PSG2: variants seen among roughly 807,000 people sequenced by gnomAD.
PSG2 encodes the protein pregnancy-specific beta-1-glycoprotein 2.
Under a neutral mutation model 36.2 loss-of-function variants are expected in PSG2, and 49 were observed. The ratio of observed to expected loss-of-function variants is 1.35; its 90% CI spans 1.08 to 1.72. PSG2 has a LOEUF of 1.72. Among genes scored for constraint, PSG2 ranks in the 40% most tolerant of loss-of-function variants. The probability of loss-of-function intolerance (pLI) is 0.00; values close to 1 mark genes in which losing one functional copy is unlikely to be tolerated. For synonymous variants in PSG2, 261 were observed against 155.6 expected, an observed-to-expected ratio of 1.68 and a Z score of -5.04; for missense variants, 605 against 407.2, an observed-to-expected ratio of 1.49 and a Z score of -4.18.
chr19:43,081,295 G>A (rs1332346718), intron 1 of PSG2, 49 bp from the exon 2 acceptor site: 3 of 1,575,474 alleles, frequency 1.9e-6, no homozygotes, highest in African/African-American at 1.4e-5. Context: ...ATGTATTGGG[G>A]TGAAAAGATG....
chr19:43,071,168 G>A (rs578019592), intron 4 of PSG2, among the ~76,000 whole-genome samples: 2 of 151,436 alleles, frequency 1.3e-5, no homozygotes, highest in South Asian at 4.2e-4. Context: ...ACACATGCTG[G>A]TCCCACCCCA....
At chr19:43,074,918 G>A (rs1375032164) in intron 3 of PSG2, among the ~76,000 whole-genome samples, 1 of 132,116 alleles carries the variant, frequency 7.6e-6, no homozygotes, top group Non-Finnish European at 1.5e-5. Context: ...TATGGTAATA[G>A]GTGTGAGGAA....
chr19:43,065,275 A>T (rs1213270689), intron 5 of PSG2, among the ~76,000 whole-genome samples: 1 of 151,716 alleles, frequency 6.6e-6, no homozygotes, highest in Non-Finnish European at 1.5e-5. Flanking sequence ...GTTTCTCAAG[A>T]GGATTACTGA....
chr19:43,079,029 A>T (rs1396166564), intron 2 of PSG2, among the ~76,000 whole-genome samples: 1 of 151,472 alleles, frequency 6.6e-6, no homozygotes, highest in Non-Finnish European at 1.5e-5. Context: ...ATTTCCTGGG[A>T]GGTTGGCTAG....
chr19:43,065,222 A>AT (rs1449634006), intron 5 of PSG2, among the ~76,000 whole-genome samples: 3 of 151,610 alleles, frequency 2.0e-5, no homozygotes, highest in Admixed American at 1.3e-4. Context: ...TGCTTTCTAT[A>AT]AATTTAATAT....
intron 4 of PSG2, among the ~76,000 whole-genome samples, chr19:43,071,367 G>A (rs1040954270): frequency 6.6e-6 from 1 of 151,662 alleles, no homozygotes; most frequent in African/African-American, 2.4e-5. Context: ...CGTGGCAGAA[G>A]GGGATGTGTT....
At chr19:43,081,394 CACACAA>C in intron 1 of PSG2, 148 bp from the exon 2 acceptor site, 2 of 1,106,640 alleles carry the variant, frequency 1.8e-6, no homozygotes, top group South Asian at 1.8e-5. Flanking sequence ...CACACACACA[CACACAA>C]AAGGGGCATG....
intron 3 of PSG2, among the ~76,000 whole-genome samples, chr19:43,074,682 G>GT (rs2122906892): frequency 6.6e-6 from 1 of 151,832 alleles, no homozygotes; most frequent in South Asian, 2.1e-4. Context: ...TATTGCCAAT[G>GT]TTTCAGGGAT....
intron 3 of PSG2, among the ~76,000 whole-genome samples, chr19:43,073,716 A>C (rs548587253): frequency 2.0e-5 from 3 of 151,790 alleles, no homozygotes; most frequent in South Asian, 4.2e-4. Flanking sequence ...GTGCAGTTTC[A>C]GTTATGCAAG....
chr19:43,074,120 G>A (rs1967857320), intron 3 of PSG2, among the ~76,000 whole-genome samples: 1 of 151,610 alleles, frequency 6.6e-6, no homozygotes, highest in African/African-American at 2.4e-5. Flanking sequence ...TGTGTCATCA[G>A]AACTTTCCAC....
rs750339132 is a variant in PSG2 at position 43,071,947 on chromosome 19, T to G, written c.717A>C (p.Pro239=). Residue 239 remains proline (P), a synonymous_variant, in exon 4 of 6, where the codon CCA becomes CCC. Coordinates refer to ENST00000406487, the MANE Select transcript of PSG2 (RefSeq NM_031246.4). ...ATGAAGGGTGAATTCTGGGGAGGTC[T>G]GGACCATCTGGAGCAAAGAGAATAA... is the stretch of plus-strand genomic sequence containing the variant. The part of the protein sequence containing the change: ...DPVTLNLLHG[P]DLPRIHPSYT... 8.7e-6 allele frequency: 14 copies of G among 1,612,312 alleles called. No individual in the cohort carries two copies. Among genetic ancestry groups the G allele is most frequent in the Non-Finnish European group, 1.2e-5 (14 of 1,179,182 alleles).
In PSG2 at chr19:43,074,356, C is replaced by T. The variant is rs1967861769; in HGVS notation, c.709+998G>A. Among the ~76,000 whole-genome samples the T allele has an allele frequency of 2.0e-5, 3 of 151,752 alleles. No individual in the cohort carries two copies. The Middle Eastern group carries it at 0.01, about 516-fold the overall frequency. On this transcript the variant is annotated intron_variant, in intron 3 of 5. Transcript: ENST00000406487. Reference sequence around the variant, plus strand: ...GAAATGTCTTTCCATATATTGATATCGTCTTTAATTTCTTTCAGCAATGTT... The same window carrying T: ...GAAATGTCTTTCCATATATTGATATTGTCTTTAATTTCTTTCAGCAATGTT...
chr19:43,076,642 G>C (rs1180285942), intron 2 of PSG2, among the ~76,000 whole-genome samples: 3 of 151,556 alleles, frequency 2.0e-5, no homozygotes, highest in African/African-American at 7.3e-5. Flanking sequence ...GTGAATCAGA[G>C]AGTAGAATAG....
intron 1 of PSG2, 170 bp downstream of exon 1, chr19:43,082,336 T>A: frequency 9.5e-7 from 1 of 1,049,938 alleles, no homozygotes; most frequent in Non-Finnish European, 1.4e-6. Flanking sequence ...GAGACAGGGC[T>A]ACACTGTGTT....
chr19:43,081,024 C>T lies in PSG2; in HGVS notation c.287G>A (p.Ser96Asn). 1 of 1,613,092 alleles carries T rather than the reference C, an allele frequency of 6.2e-7. No homozygotes were observed. Among genetic ancestry groups the T allele is most frequent in the Non-Finnish European group, 8.5e-7 (1 of 1,179,702 alleles). The change falls in exon 2 of 6, where the codon AGT becomes AAT. Residue 96 changes from serine (S) to asparagine (N), a missense_variant. Transcript: ENST00000406487. ...ATTGGAATATGCTGTTTCTCGTCCACTATATGCAGGCCCATATATAATTAT... is the reference window on the plus strand; with the variant it reads ...ATTGGAATATGCTGTTTCTCGTCCATTATATGCAGGCCCATATATAATTAT... ...GQIIIYGPAYSGRETAYSNAS... is the reference protein window; with the variant it reads ...GQIIIYGPAYNGRETAYSNAS...
intron 3 of PSG2, among the ~76,000 whole-genome samples, chr19:43,073,099 A>G (rs1348841682): frequency 6.6e-6 from 1 of 151,738 alleles, no homozygotes; most frequent in Non-Finnish European, 1.5e-5. Flanking sequence ...TTGTCCTGAA[A>G]CCCTGAAGAT....
At chr19:43,078,978 T>A (rs1242641729) in intron 2 of PSG2, among the ~76,000 whole-genome samples, 1 of 151,518 alleles carries the variant, frequency 6.6e-6, no homozygotes, top group Non-Finnish European at 1.5e-5. Flanking sequence ...AGATGAAGCC[T>A]GGCAGGAGTG....
chr19:43,065,018 G>T (rs2122890543), intron 5 of PSG2, among the ~76,000 whole-genome samples: 1 of 151,648 alleles, frequency 6.6e-6, no homozygotes, highest in South Asian at 2.1e-4. Context: ...TGCATTTTTA[G>T]TAGAGATGGG....
In PSG2 at chr19:43,071,882, C is replaced by G. The variant is rs548294601; in HGVS notation, c.782G>C (p.Cys261Ser). 6.2e-7 allele frequency: 1 copy of G among 1,612,890 alleles called. No individual in the cohort carries two copies. The highest frequency in any genetic ancestry group is 8.5e-7 in the Non-Finnish European group (1 of 1,179,472). ...YRSGDNLYLS[C>S]FANSNPPAQY... Reference sequence around the variant, plus strand: ...TGCCGGTGGGTTAGAGTTCGCGAAGCAAGACAAGTAGAGGTTATCTCCTGA... The same window carrying G: ...TGCCGGTGGGTTAGAGTTCGCGAAGGAAGACAAGTAGAGGTTATCTCCTGA... Residue 261 changes from cysteine to serine, a missense_variant, in exon 4 of 6, where the codon TGC (cysteine) becomes TCC (serine). Cys to Ser is a moderately radical substitution (Grantham distance 112, BLOSUM62 -1). Coordinates refer to ENST00000406487, the MANE Select transcript of PSG2 (RefSeq NM_031246.4).
Sources: allele counts gnomAD v4.1 joint callset (sites outside exome capture counted in the v4.1 genomes callset), GRCh38; gene constraint gnomAD v4.1.1; transcripts MANE v1.5; gene names NCBI Gene and HGNC (gene_info 2026-07-23, HGNC 2026-07-21).